The following LDLRAD3 variants were observed in gnomAD, a reference collection of about 807,000 sequenced individuals.
LDLRAD3 encodes the protein low-density lipoprotein receptor class A domain-containing protein 3.
Under a neutral mutation model 29.4 loss-of-function variants are expected in LDLRAD3, and 20 were observed. That is an observed-to-expected ratio of 0.68 (90% CI 0.48 to 0.99). The LOEUF (loss-of-function observed/expected upper bound fraction) is 0.99. Ranked by LOEUF, LDLRAD3 falls within the 50% of genes least tolerant of loss-of-function variation. The pLI is 0.00. For missense variants in LDLRAD3, 420 were observed against 454.3 expected, an observed-to-expected ratio of 0.92 and a Z score of 0.69; for synonymous variants, 157 against 192.7, an observed-to-expected ratio of 0.81 and a Z score of 1.53.
chr11:36,165,442 T>C (rs1176103574), intron 4 of LDLRAD3, among the ~76,000 whole-genome samples: 2 of 152,272 alleles, frequency 1.3e-5, no homozygotes, highest in East Asian at 1.9e-4. Flanking sequence ...ATTACACTTA[T>C]ATTACTAACT....
intron 2 of LDLRAD3, among the ~76,000 whole-genome samples, chr11:36,073,104 T>G (rs1852934854): frequency 6.6e-6 from 1 of 152,232 alleles, no homozygotes; most frequent in South Asian, 2.1e-4. Flanking sequence ...TTGTAAGTCT[T>G]TGTGTAAAAT....
intron 4 of LDLRAD3, among the ~76,000 whole-genome samples, chr11:36,147,844 C>G (rs1335529637): frequency 1.3e-5 from 2 of 152,018 alleles, no homozygotes; most frequent in African/African-American, 2.4e-5. Context: ...TATTTCTTTT[C>G]CTTTTTTCCA....
intron 1 of LDLRAD3, among the ~76,000 whole-genome samples, chr11:35,989,461 G>A (rs975175064): frequency 7.2e-5 from 11 of 152,150 alleles, no homozygotes; most frequent in African/African-American, 1.4e-4. Flanking sequence ...GATTGCTTTC[G>A]GCAGTATGGC....
chr11:36,202,833 G>A (rs1430836599), intron 4 of LDLRAD3, among the ~76,000 whole-genome samples: 3 of 152,170 alleles, frequency 2.0e-5, no homozygotes, highest in Non-Finnish European at 2.9e-5. Context: ...AGAAGGACAC[G>A]GCAGAGGGGG....
intron 1 of LDLRAD3, among the ~76,000 whole-genome samples, chr11:35,995,189 G>A (rs1851738712): frequency 6.6e-6 from 1 of 152,186 alleles, no homozygotes; most frequent in Admixed American, 6.5e-5. Flanking sequence ...CCTTAAAAAT[G>A]TATTTCCTAA....
intron 4 of LDLRAD3, among the ~76,000 whole-genome samples, chr11:36,168,064 C>T (rs1047030712): frequency 6.6e-6 from 1 of 152,234 alleles, no homozygotes; most frequent in African/African-American, 2.4e-5. Context: ...ACTTTCTCTT[C>T]TGGCCCTGCC....
chr11:36,061,088 A>G (rs1852691225), intron 2 of LDLRAD3, among the ~76,000 whole-genome samples: 1 of 152,192 alleles, frequency 6.6e-6, no homozygotes, highest in South Asian at 2.1e-4. Flanking sequence ...CACAATAAAC[A>G]TTTAGTAAGA....
intron 3 of LDLRAD3, among the ~76,000 whole-genome samples, chr11:36,091,703 C>A (rs1270926072): frequency 6.6e-6 from 1 of 152,128 alleles, no homozygotes; most frequent in African/African-American, 2.4e-5. Context: ...CCCCAGTTAA[C>A]TGAGTAACAT....
chr11:36,084,155 G>A (rs1484720844), intron 3 of LDLRAD3, among the ~76,000 whole-genome samples: 2 of 152,066 alleles, frequency 1.3e-5, no homozygotes, highest in African/African-American at 2.4e-5. Flanking sequence ...GAACTCCTGG[G>A]CTCAAACAAT....
At chr11:35,984,103 G>C (rs1851578695) in intron 1 of LDLRAD3, among the ~76,000 whole-genome samples, 1 of 152,146 alleles carries the variant, frequency 6.6e-6, no homozygotes, top group South Asian at 2.1e-4. Flanking sequence ...TGGGAAAACA[G>C]CATGACATAC....
intron 4 of LDLRAD3, among the ~76,000 whole-genome samples, chr11:36,226,589 G>C (rs910926292): frequency 6.6e-6 from 1 of 151,242 alleles, no homozygotes; most frequent in Non-Finnish European, 1.5e-5. Context: ...GTGATTTTGC[G>C]GGGGGGAAAT....
chr11:36,074,859 G>A (rs1219983981), intron 2 of LDLRAD3, among the ~76,000 whole-genome samples: 2 of 152,180 alleles, frequency 1.3e-5, no homozygotes, highest in Non-Finnish European at 2.9e-5. Flanking sequence ...CTGCTTTTCT[G>A]TTACTGTAGA....
At chr11:36,090,806 G>A (rs907582300) in intron 3 of LDLRAD3, among the ~76,000 whole-genome samples, 3 of 152,154 alleles carry the variant, frequency 2.0e-5, no homozygotes, top group Admixed American at 6.5e-5. Flanking sequence ...TGCAGAATGC[G>A]GCTGTACATA....
rs547316545 is a variant in LDLRAD3, at chr11:36,144,990, G to A, written c.454+46529G>A. Among the ~76,000 whole-genome samples, 139 of 113,378 alleles carry A rather than the reference G, an allele frequency of 1.2e-3. 4 individuals carry two copies. Among genetic ancestry groups the A allele is most frequent in the African/African-American group, 4.3e-3 (134 of 30,936 alleles). The allele number at this position is 113,378 out of a possible 152,430, so 74.4% of individuals were successfully genotyped here. On this transcript the variant is annotated intron_variant, in intron 4 of 5. Transcript: ENST00000315571. ...GTCCCGGAAGGAGGTGGGGGGGTCA[G>A]CCCCCCGCCCTGCCAGCCGCCCCGT...
chr11:36,158,044 A>C (rs1590317917), intron 4 of LDLRAD3, among the ~76,000 whole-genome samples: 1 of 152,142 alleles, frequency 6.6e-6, no homozygotes, highest in Non-Finnish European at 1.5e-5. Context: ...CAGCACACTG[A>C]CGCAGGTATT....
At chr11:36,021,061 A>T (rs1240345581) in intron 1 of LDLRAD3, among the ~76,000 whole-genome samples, 2 of 152,142 alleles carry the variant, frequency 1.3e-5, no homozygotes, top group Admixed American at 1.3e-4. Flanking sequence ...ATGGCGCATG[A>T]TGCAGGAGGA....
chr11:35,997,290 T>C, intron 1 of LDLRAD3: 3 of 400,074 alleles, frequency 7.5e-6, no homozygotes, highest in Non-Finnish European at 1.4e-5. Context: ...AGGATCTCTT[T>C]AGTGGTTTCA....
chr11:35,986,177 A>C (rs1851612754), intron 1 of LDLRAD3, among the ~76,000 whole-genome samples: 1 of 152,210 alleles, frequency 6.6e-6, no homozygotes, highest in Non-Finnish European at 1.5e-5. Flanking sequence ...ATAAAGGGCC[A>C]TTGGGATTGC....
intron 1 of LDLRAD3, among the ~76,000 whole-genome samples, chr11:35,960,659 C>T (rs1185262694): frequency 6.6e-6 from 1 of 152,124 alleles, no homozygotes; most frequent in East Asian, 1.9e-4. Context: ...TGCAGTGGCG[C>T]GATCTCGGCT....
Sources: gnomAD v4.1 joint callset for allele counts (sites outside exome capture counted in the v4.1 genomes callset) on GRCh38, gnomAD v4.1.1 for gene constraint, MANE v1.5 for transcripts, NCBI Gene and HGNC (gene_info 2026-07-23, HGNC 2026-07-21) for gene names.